The following SERPINB9 variants were observed in gnomAD, a reference collection of about 807,000 sequenced individuals.
The protein encoded by SERPINB9 is serpin B9.
SERPINB9 carries 20 observed loss-of-function variants against 27.2 expected under a neutral mutation model. The ratio of observed to expected loss-of-function variants is 0.74; its 90% CI spans 0.52 to 1.07. The LOEUF (loss-of-function observed/expected upper bound fraction) is 1.07. Ranked by LOEUF, SERPINB9 falls within the 50% of genes least tolerant of loss-of-function variation. SERPINB9 has a pLI of 0.00. For missense variants in SERPINB9, 476 were observed against 460.1 expected (o/e 1.03, Z -0.32); for synonymous variants, 189 against 180.0 (o/e 1.05, Z -0.40).
At chr6:2,893,023 C>G (rs1046432200) in intron 5 of SERPINB9, among the ~76,000 whole-genome samples, 31 of 146,368 alleles carry the variant, frequency 2.1e-4, no homozygotes, top group African/African-American at 7.3e-4. Context: ...TATACTGCCT[C>G]TCACTCCCAC....
intron 2 of SERPINB9, among the ~76,000 whole-genome samples, chr6:2,898,708 G>A (rs1483223885): frequency 6.6e-6 from 1 of 152,010 alleles, no homozygotes; most frequent in Non-Finnish European, 1.5e-5. Context: ...CAGCTACTCG[G>A]GAGGCTGAGG....
rs1008619507 is a variant in SERPINB9, at chr6:2,890,973, A to G, written c.724-403T>C. Among the ~76,000 whole-genome samples the G allele has an allele frequency of 1.3e-5, 2 of 152,202 alleles. No homozygotes were observed. Among genetic ancestry groups the G allele is most frequent in the African/African-American group, 4.8e-5 (2 of 41,444 alleles). On this transcript the variant is annotated intron_variant, in intron 6 of 6. Transcript: ENST00000380698. The surrounding 1 kb of genome is among the most constrained non-coding windows in gnomAD (Gnocchi z 6.2). Reference sequence around the variant, plus strand: ...GGCTCTCAGTGTGAGCCACTCCAACAGGATTATCTGTCCCAGGTGAGATTC... The same window carrying G: ...GGCTCTCAGTGTGAGCCACTCCAACGGGATTATCTGTCCCAGGTGAGATTC...
In SERPINB9 at chr6:2,896,093, G is replaced by C. The variant is rs757541384; in HGVS notation, c.266C>G (p.Ala89Gly). 10 of 1,613,778 alleles carry C rather than the reference G, an allele frequency of 6.2e-6. No individual in the cohort carries two copies. The highest frequency in any genetic ancestry group is 8.5e-6 in the Non-Finnish European group (10 of 1,179,952). Residue 89 changes from alanine (A) to glycine (G), a missense_variant, in exon 3 of 7, where the codon GCC becomes GGC. By Grantham distance (60) the Ala-to-Gly change is moderately conservative. Coordinates refer to ENST00000380698, the MANE Select transcript of SERPINB9 (RefSeq NM_004155.6). The stretch of plus-strand genomic sequence containing the variant: ...AGTTTTCTCTCCAAAGAGCCTGTTG[G>C]CCGTTCTCAGCAGGTACTGTGTGCC... ...KAGTQYLLRT[A>G]NRLFGEKTCQ...
chr6:2,899,463 G>A (rs982143828), intron 2 of SERPINB9, among the ~76,000 whole-genome samples: 4 of 152,114 alleles, frequency 2.6e-5, no homozygotes, highest in Admixed American at 6.5e-5. Flanking sequence ...CATCACCTTC[G>A]TTATTGATCT....
Position 2,891,826 on chromosome 6 carries a change from G to C in SERPINB9, c.723+7C>G. On this transcript the variant is annotated splice_region_variant and intron_variant, in intron 6 of 6. Coordinates refer to ENST00000380698, the MANE Select transcript of SERPINB9 (RefSeq NM_004155.6). This position sits in a 1 kb window ranked among gnomAD's most constrained non-coding sequence, Gnocchi z 4.0. The stretch of plus-strand genomic sequence containing the variant: ...TCCCTGGGTTCTTCCCGCAGCCCGG[G>C]TCTTACCGTGCTGAGCTCCACGCCG... 6.3e-7 allele frequency: 1 copy of C among 1,590,580 alleles called. No individual in the cohort carries two copies.
At chr6:2,896,895 T>G (rs1768017778) in intron 2 of SERPINB9, among the ~76,000 whole-genome samples, 1 of 152,004 alleles carries the variant, frequency 6.6e-6, no homozygotes, top group Non-Finnish European at 1.5e-5. Flanking sequence ...ATCCCAGCAC[T>G]TTTGGAGGCC....
chr6:2,891,438 C>G lies in SERPINB9; in HGVS notation c.723+395G>C, dbSNP rs896695818. 2.0e-5 allele frequency among the ~76,000 whole-genome samples: 3 copies of G among 152,140 alleles called. No homozygotes were observed. Among genetic ancestry groups the G allele is most frequent in the African/African-American group, 7.2e-5 (3 of 41,422 alleles). ...GCCAGGCAATGTGGTAAGCTTGTTA[C>G]CTGAATTACCCACATTTTATCCTCA... On this transcript the variant is annotated intron_variant, in intron 6 of 6. Coordinates refer to ENST00000380698, the MANE Select transcript of SERPINB9 (RefSeq NM_004155.6). This position sits in a 1 kb window ranked among gnomAD's most constrained non-coding sequence, Gnocchi z 4.0.
chr6:2,901,282 T>G (rs554764528), intron 1 of SERPINB9, among the ~76,000 whole-genome samples: 1 of 152,346 alleles, frequency 6.6e-6, no homozygotes, highest in East Asian at 1.9e-4. Flanking sequence ...CTCCTGCCCA[T>G]CACCAGCTTC....
chr6:2,893,137 T>C (rs1767866947), intron 5 of SERPINB9, among the ~76,000 whole-genome samples: 2 of 77,396 alleles, frequency 2.6e-5, no homozygotes, highest in Admixed American at 3.1e-4. Context: ...GTGGCAGCAA[T>C]GGTTTATGAG....
At chr6:2,896,237 G>A in intron 2 of SERPINB9, 47 bp from the exon 3 acceptor site, 1 of 1,585,682 alleles carries the variant, frequency 6.3e-7, no homozygotes, top group Non-Finnish European at 8.6e-7. Context: ...GCTCTTTGAT[G>A]GCTGGGGAGA....
chr6:2,888,058 A>C lies in SERPINB9; in HGVS notation c.*2105T>G, dbSNP rs1767655854. The C allele has an allele frequency of 1.3e-5, 2 of 152,160 alleles. No individual in the cohort carries two copies. Among genetic ancestry groups the C allele is most frequent in the Non-Finnish European group, 2.9e-5 (2 of 68,018 alleles). The allele number at this position is 152,160 out of a possible 1,614,324, so 9.4% of individuals were successfully genotyped here. On this transcript the variant is annotated 3_prime_UTR_variant, in exon 7 of 7. Transcript: ENST00000380698. ...ATCAAAGGGACTGGATGTCCCATCT[A>C]GTTTGTACTTTAGTTTCTAGCTCAT...
chr6:2,892,016 A>G (rs918064727), intron 5 of SERPINB9, 28 bp from the exon 6 acceptor site: 1 of 1,608,144 alleles, frequency 6.2e-7, no homozygotes, highest in African/African-American at 1.3e-5. Flanking sequence ...GAAAGACGCA[A>G]TTAAAACTTT....
chr6:2,900,253 G>C (rs531576505), intron 2 of SERPINB9, among the ~76,000 whole-genome samples, 191 bp downstream of exon 2: 1 of 151,042 alleles, frequency 6.6e-6, no homozygotes, highest in South Asian at 2.1e-4. Context: ...AATCTCGGTG[G>C]AGCAGAGTTC....
intron 5 of SERPINB9, among the ~76,000 whole-genome samples, chr6:2,892,481 A>C (rs774568272): frequency 1.3e-5 from 2 of 152,208 alleles, no homozygotes; most frequent in Non-Finnish European, 2.9e-5. Flanking sequence ...AACGACCTAC[A>C]TATGTAGTAA....
Position 2,891,689 on chromosome 6 carries a change from A to G in SERPINB9, c.723+144T>C. 4 of 889,324 alleles carry G rather than the reference A, an allele frequency of 4.5e-6. No homozygotes were observed. The highest frequency in any genetic ancestry group is 2.8e-5 in the East Asian group (1 of 36,340). The allele number at this position is 889,324 out of a possible 1,614,324, so 55.1% of individuals were successfully genotyped here. A position where few individuals can be genotyped will look rare whatever the true frequency, so the allele number is the denominator to read the frequency against. ...ATATTGGGAAAAGTCAGCCTTGAAC[A>G]AAAGTTCGATCCCAACGCCAAGTGC... On this transcript the variant is annotated intron_variant, in intron 6 of 6. Transcript: ENST00000380698. This position sits in a 1 kb window ranked among gnomAD's most constrained non-coding sequence, Gnocchi z 4.0.
intron 2 of SERPINB9, among the ~76,000 whole-genome samples, chr6:2,900,243 A>C (rs1768149742): frequency 6.6e-6 from 1 of 152,128 alleles, no homozygotes; most frequent in Admixed American, 6.5e-5. Flanking sequence ...CCCCCAAATA[A>C]ATCTCGGTGG....
Position 2,893,514 on chromosome 6 carries a change from G to A in SERPINB9, c.464C>T (p.Ala155Val). The change falls in exon 5 of 7, where the codon GCA becomes GTA. Residue 155 changes from alanine to valine, a missense_variant. Physicochemically the swap from Ala to Val is moderately conservative, Grantham distance 64 (BLOSUM62 0). Coordinates refer to ENST00000380698, the MANE Select transcript of SERPINB9 (RefSeq NM_004155.6). ...EELLPGSSID[A>V]ETRLVLVNAI... The stretch of plus-strand genomic sequence containing the variant: ...ATTGACAAGAACCAGCCTGGTTTCT[G>A]CATCAATTGAGCTACCCGGCAACAA... The A allele has an allele frequency of 6.2e-7, 1 of 1,612,518 alleles. No individual in the cohort carries two copies. Among genetic ancestry groups the A allele is most frequent in the Non-Finnish European group, 8.5e-7 (1 of 1,179,184 alleles).
At chr6:2,892,104 CTAA>C (rs1767825091) in intron 5 of SERPINB9, 116 bp from the exon 6 acceptor site, 8 of 79,154 alleles carry the variant, frequency 1.0e-4, no homozygotes, top group East Asian at 3.7e-4. Flanking sequence ...CCAGTTAACA[CTAA>C]AAAAAAAAAA....
rs1767760084 is a variant in SERPINB9, at chr6:2,890,473, A to T, written c.821T>A (p.Leu274Gln). ...AGATTCCATGTCATAATCCTCTTGT[A>T]GTTTAAATTTTGGAAGGAGAACTTC... ...EVEVLLPKFK[L>Q]QEDYDMESVL... The change falls in exon 7 of 7, where the codon CTA becomes CAA. Residue 274 changes from leucine to glutamine, a missense_variant. Coordinates refer to ENST00000380698, the MANE Select transcript of SERPINB9 (RefSeq NM_004155.6). This position sits in a 1 kb window ranked among gnomAD's most constrained non-coding sequence, Gnocchi z 6.2. 6.2e-7 allele frequency: 1 copy of T among 1,614,152 alleles called. No individual in the cohort carries two copies. The highest frequency in any genetic ancestry group is 1.3e-5 in the African/African-American group (1 of 75,034).
Sources: gnomAD v4.1 joint callset for allele counts (sites outside exome capture counted in the v4.1 genomes callset) on GRCh38, gnomAD v4.1.1 for gene constraint, Gnocchi (gnomAD v3.1) non-coding constraint, MANE v1.5 for transcripts, NCBI Gene and HGNC (gene_info 2026-07-23, HGNC 2026-07-21) for gene names.